DNAL1: variants seen among roughly 807,000 people sequenced by gnomAD.
DNAL1 encodes dynein axonemal light chain 1.
Under a neutral mutation model 29.4 loss-of-function variants are expected in DNAL1, and 17 were observed. That is an observed-to-expected ratio of 0.58 (90% CI 0.40 to 0.87). The LOEUF is 0.87. DNAL1 is among the 40% of genes least tolerant of loss of function. DNAL1 has a pLI of 0.00. For missense variants in DNAL1, 188 were observed against 214.1 expected (o/e 0.88, Z 0.76); for synonymous variants, 78 against 76.3 (o/e 1.02, Z -0.12).
intron 2 of DNAL1, among the ~76,000 whole-genome samples, chr14:73,656,474 C>T (rs1193175061): frequency 1.3e-5 from 2 of 149,416 alleles, no homozygotes; most frequent in Non-Finnish European, 3.0e-5. Flanking sequence ...CGCTCTGTCA[C>T]CCAGGCTGGA....
rs757169297 is a variant in DNAL1, at chr14:73,645,060, C to A, written c.3+18C>A. The stretch of plus-strand genomic sequence containing the variant: ...CCGGAATGGTGAGTACCTTTCGGGC[C>A]GCGTAGCCAAAGCTGAGAGAAGATT... On this transcript the variant is annotated intron_variant, in intron 1 of 7. Transcript: ENST00000553645. The A allele has an allele frequency of 1.9e-6, 3 of 1,607,440 alleles. No homozygotes were observed. The highest frequency in any genetic ancestry group is 2.5e-6 in the Non-Finnish European group (3 of 1,177,424).
At chr14:73,681,094 TGTTG>T (rs1382703982) in intron 5 of DNAL1, among the ~76,000 whole-genome samples, 1 of 92,518 alleles carries the variant, frequency 1.1e-5, no homozygotes, top group Non-Finnish European at 3.3e-5. Flanking sequence ...GTAGATTTTT[TGTTG>T]TTGTTGTTAT....
At chr14:73,654,938 G>T (rs1891181493) in intron 2 of DNAL1, 53 bp downstream of exon 2, 1 of 1,498,298 alleles carries the variant, frequency 6.7e-7, no homozygotes, top group Admixed American at 2.2e-5. Context: ...AAAAATTTTG[G>T]ATAGTTATTC....
At chr14:73,695,048 CTTTTTTTTTTT>C (rs71112798) in intron 7 of DNAL1, among the ~76,000 whole-genome samples, 5 of 60,872 alleles carry the variant, frequency 8.2e-5, no homozygotes, top group Non-Finnish European at 1.1e-4. Context: ...TACTTGTTGG[CTTTTTTTTTTT>C]TTTTTTTTTT....
intron 1 of DNAL1, among the ~76,000 whole-genome samples, chr14:73,650,469 G>A (rs2140023528): frequency 6.6e-6 from 1 of 152,174 alleles, no homozygotes; most frequent in Non-Finnish European, 1.5e-5. Context: ...CTCCATGAAG[G>A]CAGGAATCTC....
chr14:73,657,537 C>T (rs1173622740), intron 2 of DNAL1, among the ~76,000 whole-genome samples: 6 of 152,130 alleles, frequency 3.9e-5, no homozygotes. Flanking sequence ...CAAATATTTT[C>T]CCCCATTCAA....
At chr14:73,685,410 C>G (rs147414938) in intron 5 of DNAL1, among the ~76,000 whole-genome samples, 2 of 152,068 alleles carry the variant, frequency 1.3e-5, no homozygotes, top group East Asian at 3.9e-4. Context: ...GCGTAATATC[C>G]TCAAGTTTCA....
chr14:73,688,495 T>C (rs1375129398), intron 6 of DNAL1, among the ~76,000 whole-genome samples: 1 of 152,064 alleles, frequency 6.6e-6, no homozygotes, highest in Non-Finnish European at 1.5e-5. Context: ...TGGTGGTACA[T>C]GCCTGTAGTC....
chr14:73,668,780 A>G (rs1891546068), intron 4 of DNAL1, among the ~76,000 whole-genome samples: 1 of 151,986 alleles, frequency 6.6e-6, no homozygotes, highest in South Asian at 2.1e-4. Context: ...AGGTTCAAGC[A>G]ATTCTCCTGC....
At chr14:73,645,383 A>G (rs926372212) in intron 1 of DNAL1, among the ~76,000 whole-genome samples, 1 of 151,868 alleles carries the variant, frequency 6.6e-6, no homozygotes, top group Non-Finnish European at 1.5e-5. Context: ...CTTTACATAG[A>G]AGTAATTTTA....
At chr14:73,683,704 T>TTAG (rs1891948193) in intron 5 of DNAL1, among the ~76,000 whole-genome samples, 1 of 150,374 alleles carries the variant, frequency 6.7e-6, no homozygotes, top group Admixed American at 6.6e-5. Context: ...TTATTTATTA[T>TTAG]TATTATTATT....
chr14:73,694,586 G>A (rs1892257687), intron 7 of DNAL1, among the ~76,000 whole-genome samples: 1 of 152,032 alleles, frequency 6.6e-6, no homozygotes, highest in Non-Finnish European at 1.5e-5. Flanking sequence ...AATTGGGGGA[G>A]GTCATATAAA....
intron 5 of DNAL1, among the ~76,000 whole-genome samples, chr14:73,681,620 AAAAAAAAAAAAAAATATATAT>A (rs1699688236): frequency 1.5e-5 from 1 of 67,262 alleles, no homozygotes; most frequent in Non-Finnish European, 2.8e-5. Flanking sequence ...AAAAAAAAAA[AAAAAAAAAAAAAAATATATAT>A]ATATATATAT....
rs955312370 is a variant in DNAL1 at position 73,697,915 on chromosome 14, T to G, written c.*1973T>G. 1 of 152,146 alleles carries G rather than the reference T, an allele frequency of 6.6e-6. No homozygotes were observed. The highest frequency in any genetic ancestry group is 2.4e-5 in the African/African-American group (1 of 41,414). The allele number at this position is 152,146 out of a possible 1,614,324, so 9.4% of individuals were successfully genotyped here. Reference sequence around the variant, plus strand: ...AACCATAGGCAATGAGCCTTCATTCTCCTTGGTGATGTTTTAAGTTCCATA... The same window carrying G: ...AACCATAGGCAATGAGCCTTCATTCGCCTTGGTGATGTTTTAAGTTCCATA... On this transcript the variant is annotated 3_prime_UTR_variant, in exon 8 of 8. Transcript: ENST00000553645.
At chr14:73,682,067 G>A (rs949309305) in intron 5 of DNAL1, among the ~76,000 whole-genome samples, 2 of 151,376 alleles carry the variant, frequency 1.3e-5, no homozygotes, top group African/African-American at 2.4e-5. Flanking sequence ...AGCCGAGATC[G>A]CACCTTTGTA....
At chr14:73,662,128 T>C in intron 4 of DNAL1, 86 bp downstream of exon 4, 1 of 1,185,356 alleles carries the variant, frequency 8.4e-7, no homozygotes, top group Non-Finnish European at 1.2e-6. Context: ...TTCCAGAAGC[T>C]GGCACCTGTT....
chr14:73,672,358 C>T (rs1891632704), intron 5 of DNAL1, among the ~76,000 whole-genome samples: 1 of 152,136 alleles, frequency 6.6e-6, no homozygotes, highest in South Asian at 2.1e-4. Flanking sequence ...GTAATCCCAG[C>T]ACTTTGGGAG....
intron 5 of DNAL1, among the ~76,000 whole-genome samples, chr14:73,677,544 ATATTTATTTATT>A: frequency 6.7e-6 from 1 of 149,110 alleles, no homozygotes; most frequent in South Asian, 2.1e-4. Context: ...ATATATAAAT[ATATTTATTTATT>A]TATTTATTTA....
At chr14:73,663,202 A>ATTTTTT (rs58367000) in intron 4 of DNAL1, among the ~76,000 whole-genome samples, 1 of 125,156 alleles carries the variant, frequency 8.0e-6, no homozygotes, top group Non-Finnish European at 1.7e-5. Flanking sequence ...GGTCCCAGTA[A>ATTTTTT]TTTTTTTTTT....
Sources: gnomAD v4.1 joint callset for allele counts (sites outside exome capture counted in the v4.1 genomes callset) on GRCh38, gnomAD v4.1.1 for gene constraint, MANE v1.5 for transcripts, NCBI Gene and HGNC (gene_info 2026-07-23, HGNC 2026-07-21) for gene names.